The following MYB variants were observed in gnomAD, a reference collection of about 807,000 sequenced individuals.
MYB encodes the protein MYB proto-oncogene, transcription factor, also known as transcriptional activator Myb.
In MYB, 28 loss-of-function variants were observed where a neutral mutation model predicts 92.9. The observed-to-expected ratio is 0.30, with a 90% CI of 0.22 to 0.41. The LOEUF is 0.41. Among genes scored for constraint, MYB ranks in the 10% least tolerant of loss-of-function variants. The pLI, the probability that MYB is intolerant of heterozygous loss-of-function variation, is 1.00. For synonymous variants in MYB, 295 were observed against 329.1 expected (o/e 0.90, Z 1.12); for missense variants, 679 against 929.3 (o/e 0.73, Z 3.50).
chr6:135,213,107 C>A (rs541474342), intron 15 of MYB, among the ~76,000 whole-genome samples: 1 of 152,160 alleles, frequency 6.6e-6, no homozygotes, highest in African/African-American at 2.4e-5. Flanking sequence ...CTCGCTCATG[C>A]TTGGTGGCCT....
intron 8 of MYB, 61 bp downstream of exon 8, chr6:135,194,521 C>A: frequency 8.6e-7 from 1 of 1,164,140 alleles, no homozygotes; most frequent in Non-Finnish European, 1.3e-6. Context: ...TTTACCTAAG[C>A]GCTCTTCTCT....
intron 6 of MYB, among the ~76,000 whole-genome samples, chr6:135,192,901 G>A (rs1421437235): frequency 6.6e-6 from 1 of 152,216 alleles, no homozygotes; most frequent in Non-Finnish European, 1.5e-5. Context: ...TGAAGAATAG[G>A]GGAATGGAGT....
rs1204037752 is a variant in MYB at position 135,195,831 on chromosome 6, T to G, written c.1032T>G (p.Pro344=). 6.2e-7 allele frequency: 1 copy of G among 1,614,170 alleles called. No homozygotes were observed. The highest frequency in any genetic ancestry group is 1.7e-5 in the Admixed American group (1 of 60,028). ...CCAGACCTCATGGAGACAGTGCACC[T>G]GTTTCCTGTTTGGGAGAACACCACT... ...DHTRPHGDSA[P]VSCLGEHHST... is the part of the protein sequence containing the mutation. The change falls in exon 9 of 16, where the codon CCT becomes CCG. Residue 344 remains proline (P), a synonymous_variant. Coordinates refer to ENST00000341911, the MANE Select transcript of MYB (RefSeq NM_001130173.2).
At chr6:135,196,464 T>C (rs910893269) in intron 9 of MYB, among the ~76,000 whole-genome samples, 2 of 152,222 alleles carry the variant, frequency 1.3e-5, no homozygotes, top group Admixed American at 6.5e-5. Context: ...AATCTTTTAG[T>C]GTATTTGAAG....
At chr6:135,203,359 C>A (rs778670105) in intron 15 of MYB, 35 bp downstream of exon 15, 9 of 1,469,778 alleles carry the variant, frequency 6.1e-6, no homozygotes, top group South Asian at 2.3e-5. Context: ...TTTTAAAATT[C>A]ATTCACTGAA....
chr6:135,207,625 A>G (rs954732959), intron 15 of MYB, among the ~76,000 whole-genome samples: 2 of 152,212 alleles, frequency 1.3e-5, no homozygotes, highest in Non-Finnish European at 2.9e-5. Flanking sequence ...AAATGCCGAG[A>G]AGCTATGTGT....
chr6:135,191,946 T>C (rs771518346), intron 5 of MYB, among the ~76,000 whole-genome samples: 2 of 152,200 alleles, frequency 1.3e-5, no homozygotes, highest in Non-Finnish European at 2.9e-5. Context: ...GGCCCTGCTG[T>C]GCCACATTCA....
intron 2 of MYB, among the ~76,000 whole-genome samples, chr6:135,187,171 T>C (rs1184168679): frequency 1.3e-5 from 2 of 152,236 alleles, no homozygotes; most frequent in Non-Finnish European, 2.9e-5. Context: ...GTGAACAGCA[T>C]ATAAACTAAA....
chr6:135,213,965 T>C (rs1024667048), intron 15 of MYB, among the ~76,000 whole-genome samples: 4 of 152,198 alleles, frequency 2.6e-5, no homozygotes, highest in African/African-American at 9.7e-5. Context: ...GCATTTAAGA[T>C]AATTTACGCA....
intron 15 of MYB, among the ~76,000 whole-genome samples, chr6:135,210,552 T>C (rs553137031): frequency 6.6e-6 from 1 of 152,374 alleles, no homozygotes; most frequent in East Asian, 1.9e-4. Flanking sequence ...TATGAACTTT[T>C]ATATTTTTCA....
At chr6:135,199,641 T>G (rs1777791115) in intron 11 of MYB, 2 of 676,124 alleles carry the variant, frequency 3.0e-6, no homozygotes, top group Non-Finnish European at 3.8e-6. Flanking sequence ...GTAGAGAAAG[T>G]GTGAATTATC....
At chr6:135,198,594 C>T (rs2128299982) in intron 10 of MYB, among the ~76,000 whole-genome samples, 1 of 152,282 alleles carries the variant, frequency 6.6e-6, no homozygotes, top group Admixed American at 6.5e-5. Context: ...TCACTAAAGC[C>T]TTTTAAATGT....
At chr6:135,186,112 C>A in intron 2 of MYB, 92 bp downstream of exon 2, 1 of 998,632 alleles carries the variant, frequency 1.0e-6, no homozygotes, top group South Asian at 1.4e-5. Context: ...TGCTCAAGCT[C>A]ATTAGCAGGC....
At position 135,186,040 on chromosome 6, in the gene MYB, A is replaced by G. The variant is rs753100936; in HGVS notation, c.141+20A>G. 6 of 1,596,070 alleles carry G rather than the reference A, an allele frequency of 3.8e-6. No individual in the cohort carries two copies. The highest frequency in any genetic ancestry group is 5.2e-6 in the Non-Finnish European group (6 of 1,163,678). On this transcript the variant is annotated intron_variant, in intron 2 of 15. Transcript: ENST00000341911. Reference sequence around the variant, plus strand: ...GAAGAGGTAACTAATCATTTTATCAAGACGCAGAAAATAGATAGAGTGTAT... The same window carrying G: ...GAAGAGGTAACTAATCATTTTATCAGGACGCAGAAAATAGATAGAGTGTAT...
At position 135,196,628 on chromosome 6, in the gene MYB, T is replaced by C. The variant is rs1777354280; in HGVS notation, c.1204-333T>C. On this transcript the variant is annotated intron_variant, in intron 9 of 15. Coordinates refer to ENST00000341911, the MANE Select transcript of MYB (RefSeq NM_001130173.2). ...AACACTTGGTTCCTTTCCCAGTTGA[T>C]TAAAAATCATTTATTGCACACTCAT... The C allele has an allele frequency of 2.7e-5, 21 of 777,764 alleles. No individual in the cohort carries two copies. In the South Asian group the frequency reaches 2.8e-4, roughly 10 times the overall value. The allele number at this position is 777,764 out of a possible 1,614,324, so 48.2% of individuals were successfully genotyped here. A position where few individuals can be genotyped will look rare whatever the true frequency, so the allele number is the denominator to read the frequency against.
rs1424238866 is a variant in MYB at position 135,218,198 on chromosome 6, T to G, written c.*218T>G. ...AAAATAAATAACAGTCTTACCTAAA[T>G]TATTAGGTAATGAATTGTAGCCAGT... is the stretch of plus-strand genomic sequence containing the variant. On this transcript the variant is annotated 3_prime_UTR_variant, in exon 16 of 16. Transcript: ENST00000341911. The G allele has an allele frequency of 2.1e-6, 1 of 465,620 alleles. No individual in the cohort carries two copies. The highest frequency in any genetic ancestry group is 3.8e-6 in the Non-Finnish European group (1 of 261,914). 28.8% of individuals were successfully genotyped at this position (465,620 alleles called of 1,614,324 possible). A position where few individuals can be genotyped will look rare whatever the true frequency, so the allele number is the denominator to read the frequency against.
rs1583462421 is a variant in MYB at position 135,218,736 on chromosome 6, C to A, written c.*756C>A. ...TTGGTGTTAGGTAATTGACTATGCA[C>A]TAGTATTTCAGACTTTTTAATTTTA... On this transcript the variant is annotated 3_prime_UTR_variant, in exon 16 of 16. Coordinates refer to ENST00000341911, the MANE Select transcript of MYB (RefSeq NM_001130173.2). The A allele has an allele frequency of 1.0e-5, 2 of 198,716 alleles. No individual in the cohort carries two copies. Among genetic ancestry groups the A allele is most frequent in the South Asian group, 3.8e-4 (2 of 5,198 alleles). 12.3% of individuals were successfully genotyped at this position (198,716 alleles called of 1,614,324 possible).
Position 135,203,454 on chromosome 6 carries a change from G to A in MYB, c.2169+130G>A, listed in dbSNP as rs564922829. On this transcript the variant is annotated intron_variant, in intron 15 of 15. Coordinates refer to ENST00000341911, the MANE Select transcript of MYB (RefSeq NM_001130173.2). ...TTCGTTTTCAACATTTTAGACATAG[G>A]GGAGTAATGCTTTTATACAATTCTT... The A allele has an allele frequency of 1.5e-5, 11 of 728,948 alleles. No individual in the cohort carries two copies. The East Asian group carries it at 2.9e-4, about 19-fold the overall frequency. 45.2% of individuals were successfully genotyped at this position (728,948 alleles called of 1,614,324 possible).
intron 15 of MYB, among the ~76,000 whole-genome samples, chr6:135,205,323 A>G (rs1258266628): frequency 6.6e-6 from 1 of 151,968 alleles, no homozygotes; most frequent in Non-Finnish European, 1.5e-5. Flanking sequence ...GTTTTAATTA[A>G]GTTAGATTAA....
Sources: gnomAD v4.1 joint callset for allele counts (sites outside exome capture counted in the v4.1 genomes callset) on GRCh38, gnomAD v4.1.1 for gene constraint, MANE v1.5 for transcripts, NCBI Gene and HGNC (gene_info 2026-07-23, HGNC 2026-07-21) for gene names.